Variants in ANKRD36B observed in about 807,000 individuals in gnomAD.
ANKRD36B encodes the protein ankyrin repeat domain-containing protein 36B.
A neutral mutation model predicts 135.7 loss-of-function variants in ANKRD36B; 37 were observed. That is an observed-to-expected ratio of 0.27 (90% CI 0.21 to 0.36). The LOEUF (loss-of-function observed/expected upper bound fraction) is 0.36. Among genes scored for constraint, ANKRD36B ranks in the 10% least tolerant of loss-of-function variants. ANKRD36B has a pLI of 1.00. For missense variants in ANKRD36B, 549 were observed against 1,037.1 expected, an observed-to-expected ratio of 0.53 and a Z score of 6.46; for synonymous variants, 179 against 348.1, an observed-to-expected ratio of 0.51 and a Z score of 5.41.
At chr2:97,565,862 GGGGTGT>G (rs1380715449) in intron 6 of ANKRD36B, among the ~76,000 whole-genome samples, 2 of 145,190 alleles carry the variant, frequency 1.4e-5, no homozygotes, top group African/African-American at 5.1e-5. Flanking sequence ...GCATATACTC[GGGGTGT>G]GTGTGTGTGT....
intron 5 of ANKRD36B, among the ~76,000 whole-genome samples, chr2:97,578,340 A>T (rs1265594753): frequency 4.6e-5 from 7 of 152,120 alleles, no homozygotes; most frequent in Admixed American, 3.9e-4. Context: ...AATCACTACC[A>T]GACTGCAAGA....
chr2:97,546,986 A>C (rs1395165052), intron 22 of ANKRD36B, among the ~76,000 whole-genome samples: 1 of 151,600 alleles, frequency 6.6e-6, no homozygotes, highest in Admixed American at 6.6e-5. Context: ...AAATATTCCA[A>C]ATGCATCTGA....
At chr2:97,560,269 G>A (rs1341533572) in intron 8 of ANKRD36B, among the ~76,000 whole-genome samples, 3 of 151,724 alleles carry the variant, frequency 2.0e-5, no homozygotes, top group African/African-American at 4.8e-5. Flanking sequence ...AGTGTTTATG[G>A]AGTTATTAGG....
At chr2:97,548,844 T>C (rs866837556) in intron 20 of ANKRD36B, among the ~76,000 whole-genome samples, 2,112 of 142,856 alleles carry the variant, frequency 0.015, no homozygotes, top group African/African-American at 0.06. Flanking sequence ...GTATTTTTTA[T>C]TAAAATATTC....
At chr2:97,564,154 TTTG>T (rs1224335335) in intron 6 of ANKRD36B, among the ~76,000 whole-genome samples, 10 of 151,718 alleles carry the variant, frequency 6.6e-5, no homozygotes, top group African/African-American at 2.2e-4. Context: ...GGTGATTTCT[TTTG>T]CTTTTTTTAA....
intron 7 of ANKRD36B, 39 bp downstream of exon 7, chr2:97,560,793 A>G: frequency 1.3e-6 from 2 of 1,588,646 alleles, no homozygotes. Flanking sequence ...CATAGACTAT[A>G]CAGTTAATAG....
intron 5 of ANKRD36B, among the ~76,000 whole-genome samples, chr2:97,577,187 C>T (rs1190975629): frequency 1.4e-5 from 2 of 147,572 alleles, no homozygotes; most frequent in Non-Finnish European, 3.0e-5. Context: ...TGGGCTACCA[C>T]TATTACTTCT....
chr2:97,551,284 A>G lies in ANKRD36B; in HGVS notation c.1375+5T>C. ...CATGACATTAAATGTGTTTCGCAAA[A>G]TTACCTGTCCTAGATATTTCTCCAT... On this transcript the variant is annotated splice_donor_5th_base_variant and intron_variant, in intron 18 of 43. Transcript: ENST00000359901. The G allele has an allele frequency of 6.4e-7, 1 of 1,552,818 alleles. No individual in the cohort carries two copies. The highest frequency in any genetic ancestry group is 8.7e-7 in the Non-Finnish European group (1 of 1,152,502).
chr2:97,534,093 T>C lies in ANKRD36B; in HGVS notation c.2192-1709A>G, dbSNP rs2078742862. Among the ~76,000 whole-genome samples the C allele has an allele frequency of 2.1e-5, 2 of 94,544 alleles. 1 individual carries two copies. The highest frequency in any genetic ancestry group is 1.9e-4 in the Admixed American group (2 of 10,658). 62.0% of individuals were successfully genotyped at this position (94,544 alleles called of 152,430 possible). On this transcript the variant is annotated intron_variant, in intron 34 of 43. Coordinates refer to ENST00000359901, the MANE Select transcript of ANKRD36B (RefSeq NM_001393939.1). ...AAAAGTGTATAATAAGCTTTCAATA[T>C]GTAAATAATTGTCAAAAATGAAAAA...
Position 97,585,513 on chromosome 2 carries a change from T to C in ANKRD36B, c.162-115A>G. On this transcript the variant is annotated intron_variant, in intron 1 of 43. Transcript: ENST00000359901. ...TCTTGTGAAGAAAGTACAACATTTG[T>C]TAGCGCTTATTACTCACCACATTAA... The C allele has an allele frequency of 1.4e-5, 20 of 1,379,516 alleles. No individual in the cohort carries two copies. In the South Asian group the frequency reaches 2.8e-4, roughly 20 times the overall value. The allele number at this position is 1,379,516 out of a possible 1,614,324, so 85.5% of individuals were successfully genotyped here. A position where few individuals can be genotyped will look rare whatever the true frequency, so the allele number is the denominator to read the frequency against.
At chr2:97,584,552 T>G (rs1393682167) in intron 3 of ANKRD36B, among the ~76,000 whole-genome samples, 3 of 151,886 alleles carry the variant, frequency 2.0e-5, no homozygotes, top group Admixed American at 2.0e-4. Context: ...TGAAATTCTT[T>G]AATTTTCTTT....
chr2:97,580,568 T>A lies in ANKRD36B; in HGVS notation c.451A>T (p.Asn151Tyr), dbSNP rs2922616. ...HGTNIEECSK[N>Y]EYQPLLLAVS... The stretch of plus-strand genomic sequence containing the variant: ...GCAAGTAACAGTGGCTGATATTCAT[T>A]CTGTAAAATAACAGCAACAATTTAT... Residue 151 changes from asparagine (N) to tyrosine (Y), a missense_variant and splice_region_variant, in exon 4 of 44, where the codon AAT (asparagine) becomes TAT (tyrosine). By Grantham distance (143) the Asn-to-Tyr change is moderately radical. Transcript: ENST00000359901. 7.8e-6 allele frequency: 12 copies of A among 1,540,104 alleles called. No homozygotes were observed. The highest frequency in any genetic ancestry group is 1.1e-5 in the Non-Finnish European group (12 of 1,141,516).
At chr2:97,556,809 A>T in intron 12 of ANKRD36B, 128 bp downstream of exon 12, 7 of 1,428,418 alleles carry the variant, frequency 4.9e-6, no homozygotes, top group African/African-American at 4.3e-5. Flanking sequence ...ACTTACTAGA[A>T]ATGCACAATC....
intron 22 of ANKRD36B, among the ~76,000 whole-genome samples, chr2:97,546,259 C>T (rs1345938691): frequency 1.3e-5 from 2 of 151,730 alleles, no homozygotes; most frequent in Non-Finnish European, 3.0e-5. Flanking sequence ...AAAGGATTTA[C>T]ACCATTATAC....
intron 6 of ANKRD36B, among the ~76,000 whole-genome samples, chr2:97,574,258 C>T (rs1000402314): frequency 2.6e-5 from 4 of 152,108 alleles, no homozygotes; most frequent in Non-Finnish European, 4.4e-5. Flanking sequence ...CAAAAGAAGA[C>T]ATTTATGCAG....
At chr2:97,587,581 G>C (rs1428680024) in intron 1 of ANKRD36B, among the ~76,000 whole-genome samples, 3 of 151,810 alleles carry the variant, frequency 2.0e-5, no homozygotes, top group African/African-American at 7.3e-5. Flanking sequence ...CCACTATAAG[G>C]GGTTTTCCAA....
At chr2:97,563,992 G>GAT (rs1491331230) in intron 6 of ANKRD36B, among the ~76,000 whole-genome samples, 2 of 33,064 alleles carry the variant, frequency 6.0e-5, no homozygotes, top group Non-Finnish European at 2.7e-4. Flanking sequence ...GGATAGATCT[G>GAT]AAATATATAT....
rs2079427424 is a variant in ANKRD36B at position 97,546,007 on chromosome 2, A to C, written c.1580-146T>G. The C allele has an allele frequency of 2.4e-6, 2 of 834,570 alleles. 1 individual carries two copies. 51.7% of individuals were successfully genotyped at this position (834,570 alleles called of 1,614,324 possible). A position where few individuals can be genotyped will look rare whatever the true frequency, so the allele number is the denominator to read the frequency against. ...CTTCTACTTTGTGTCTGGGGACAAGAACATGACAGAAATACACTGAAAAAA... is the reference window on the plus strand; with the variant it reads ...CTTCTACTTTGTGTCTGGGGACAAGCACATGACAGAAATACACTGAAAAAA... On this transcript the variant is annotated intron_variant, in intron 22 of 43. Transcript: ENST00000359901.
chr2:97,548,634 T>A (rs1373276207), intron 20 of ANKRD36B, among the ~76,000 whole-genome samples: 4 of 151,936 alleles, frequency 2.6e-5, no homozygotes, highest in Admixed American at 1.3e-4. Context: ...GAAATAGCTA[T>A]TGTATCCAAG....
Sources: gnomAD v4.1 joint callset for allele counts (sites outside exome capture counted in the v4.1 genomes callset) on GRCh38, gnomAD v4.1.1 for gene constraint, MANE v1.5 for transcripts, NCBI Gene and HGNC (gene_info 2026-07-23, HGNC 2026-07-21) for gene names.